WDR17: variants seen among roughly 807,000 people sequenced by gnomAD.
The protein encoded by WDR17 is WD repeat-containing protein 17.
In WDR17, 143 loss-of-function variants were observed where a neutral mutation model predicts 161.7. The ratio of observed to expected loss-of-function variants is 0.88; its 90% CI spans 0.77 to 1.02. The LOEUF (loss-of-function observed/expected upper bound fraction) is 1.02. WDR17 is among the 50% of genes least tolerant of loss of function. WDR17 has a pLI of 0.00. For missense variants in WDR17, 1,469 were observed against 1,520.9 expected (o/e 0.97, Z 0.57); for synonymous variants, 517 against 515.6 (o/e 1.00, Z -0.04).
Position 176,115,889 on chromosome 4 carries a change from G to T in WDR17, c.217G>T (p.Asp73Tyr), listed in dbSNP as rs1740540152. The change falls in exon 3 of 29, where the codon GAT becomes TAT. Residue 73 changes from aspartate (D) to tyrosine (Y), a missense_variant. Coordinates refer to ENST00000508596, the MANE Select transcript of WDR17 (RefSeq NM_181265.4). ...TAISWCPHNP[D>Y]LFASGSTDNL... ...AATTTCTTGGTGTCCACATAATCCT[G>T]ATCTGTTTGCAAGTGGCAGTACTGA... is the stretch of plus-strand genomic sequence containing the variant. 1 of 1,611,458 alleles carries T rather than the reference G, an allele frequency of 6.2e-7. No individual in the cohort carries two copies. The highest frequency in any genetic ancestry group is 8.5e-7 in the Non-Finnish European group (1 of 1,178,480).
chr4:176,165,780 C>G (rs558533555), intron 22 of WDR17, among the ~76,000 whole-genome samples: 2 of 152,232 alleles, frequency 1.3e-5, no homozygotes. Flanking sequence ...AAACATTTTT[C>G]AGTTAACTAT....
At position 176,182,659 on chromosome 4, in the gene WDR17, A is replaced by G. The variant is rs1752274976; in HGVS notation, c.*3080A>G. The G allele has an allele frequency of 6.6e-6, 1 of 152,118 alleles. No homozygotes were observed. Among genetic ancestry groups the G allele is most frequent in the Non-Finnish European group, 1.5e-5 (1 of 68,014 alleles). 9.4% of individuals were successfully genotyped at this position (152,118 alleles called of 1,614,324 possible). A position where few individuals can be genotyped will look rare whatever the true frequency, so the allele number is the denominator to read the frequency against. Reference sequence around the variant, plus strand: ...TCTTAATTAATGCTTATTGTACCAAATCTTTGAGATATTTGTACATAAATG... The same window carrying G: ...TCTTAATTAATGCTTATTGTACCAAGTCTTTGAGATATTTGTACATAAATG... On this transcript the variant is annotated 3_prime_UTR_variant, in exon 29 of 29. Coordinates refer to ENST00000508596, the MANE Select transcript of WDR17 (RefSeq NM_181265.4). This position sits in a 1 kb window ranked among gnomAD's most constrained non-coding sequence, Gnocchi z 4.2.
At chr4:176,148,892 C>T (rs1377294972) in intron 13 of WDR17, among the ~76,000 whole-genome samples, 1 of 152,108 alleles carries the variant, frequency 6.6e-6, no homozygotes, top group Non-Finnish European at 1.5e-5. Flanking sequence ...TATTTATTCT[C>T]ATCCTTAAAC....
In WDR17 at chr4:176,128,783, C is replaced by T. The variant is rs768157369; in HGVS notation, c.836C>T (p.Thr279Ile). ...CGCATTTGGAATGTTTCAAGAACAA[C>T]ACCTATTGATAATCTTAAATTAAAG... ...VLRIWNVSRT[T>I]PIDNLKLKKT... The change falls in exon 6 of 29, where the codon ACA becomes ATA. Residue 279 changes from threonine (T) to isoleucine (I), a missense_variant. Coordinates refer to ENST00000508596, the MANE Select transcript of WDR17 (RefSeq NM_181265.4). 1.1e-5 allele frequency: 17 copies of T among 1,605,332 alleles called. No individual in the cohort carries two copies. The highest frequency in any genetic ancestry group is 9.3e-6 in the Non-Finnish European group (11 of 1,176,700).
At chr4:176,169,268 T>C (rs1164487070) in intron 23 of WDR17, among the ~76,000 whole-genome samples, 1 of 152,190 alleles carries the variant, frequency 6.6e-6, no homozygotes, top group Non-Finnish European at 1.5e-5. Context: ...TTAAAAATAC[T>C]CATCTGCAGA....
chr4:176,152,307 A>AAAAAAAAAAAAAAAAAAAAAAAAAAAAAC (rs1747285710), intron 17 of WDR17, among the ~76,000 whole-genome samples: 1 of 149,142 alleles, frequency 6.7e-6, no homozygotes, highest in Admixed American at 6.7e-5. Flanking sequence ...AAAAAAAAAA[A>AAAAAAAAAAAAAAAAAAAAAAAAAAAAAC]AAAAAAAGCC....
chr4:176,134,985 A>G (rs1232151253), intron 7 of WDR17, 123 bp from the exon 8 acceptor site: 2 of 904,352 alleles, frequency 2.2e-6, no homozygotes, highest in Non-Finnish European at 3.4e-6. Flanking sequence ...TCTTGCCTAT[A>G]TATTTTTGCA....
intron 13 of WDR17, among the ~76,000 whole-genome samples, chr4:176,149,183 C>T (rs1240462621): frequency 6.6e-6 from 1 of 152,138 alleles, no homozygotes; most frequent in Non-Finnish European, 1.5e-5. Context: ...CTTAACCACA[C>T]GAAATATACT....
At chr4:176,158,143 AGTGAT>A (rs1400853365) in intron 18 of WDR17, among the ~76,000 whole-genome samples, 5 of 152,332 alleles carry the variant, frequency 3.3e-5, no homozygotes, top group Admixed American at 6.5e-5. Flanking sequence ...TAGGGTAGAA[AGTGAT>A]GTGATCAATT....
rs1561153213 is a variant in WDR17 at position 176,133,187 on chromosome 4, T to TA, written c.1098+1449_1098+1450insA. Among the ~76,000 whole-genome samples the TA allele has an allele frequency of 3.9e-3, 564 of 146,256 alleles. 6 individuals carry two copies. The highest frequency in any genetic ancestry group is 0.013 in the African/African-American group (519 of 40,230). On this transcript the variant is annotated intron_variant, in intron 7 of 28. Coordinates refer to ENST00000508596, the MANE Select transcript of WDR17 (RefSeq NM_181265.4). ...AAAAAAACAATTTTTTATTTTTATT[T>TA]TTTTTTTTTTACCACTTCACTATTT...
intron 22 of WDR17, among the ~76,000 whole-genome samples, chr4:176,167,046 C>T (rs1749879225): frequency 6.6e-6 from 1 of 152,084 alleles, no homozygotes; most frequent in African/African-American, 2.4e-5. Context: ...ATGTTACTGT[C>T]CTGATAGTTT....
At position 176,148,194 on chromosome 4, in the gene WDR17, G is replaced by A; in HGVS notation, c.1756G>A (p.Ala586Thr). 1 of 1,613,962 alleles carries A rather than the reference G, an allele frequency of 6.2e-7. No homozygotes were observed. The highest frequency in any genetic ancestry group is 8.5e-7 in the Non-Finnish European group (1 of 1,179,954). Residue 586 changes from alanine to threonine, a missense_variant, in exon 13 of 29, where the codon GCA (alanine) becomes ACA (threonine). Transcript: ENST00000508596. The part of the protein sequence containing the change: ...ACINILNGHT[A>T]PVRGLMWNTE... ...CATCAATATTCTTAATGGACACACT[G>A]CACCTGTGAGAGGATTAATGTGGAA...
chr4:176,115,744 T>G lies in WDR17; in HGVS notation c.124-52T>G, dbSNP rs184747005. ...TTGTGTAATGTGAATATTAACAGTG[T>G]ATTATCTTAAAAAGGAGCACTAAAA... On this transcript the variant is annotated intron_variant, in intron 2 of 28. Coordinates refer to ENST00000508596, the MANE Select transcript of WDR17 (RefSeq NM_181265.4). 7.6e-4 allele frequency: 1,044 copies of G among 1,376,726 alleles called. 1 individual carries two copies. Among genetic ancestry groups the G allele is most frequent in the Non-Finnish European group, 7.1e-4 (729 of 1,020,860 alleles). The allele number at this position is 1,376,726 out of a possible 1,614,324, so 85.3% of individuals were successfully genotyped here.
chr4:176,066,919 C>G (rs1206002527), intron 1 of WDR17, among the ~76,000 whole-genome samples: 3 of 152,080 alleles, frequency 2.0e-5, no homozygotes, highest in African/African-American at 7.2e-5. Context: ...ATTATAGTTG[C>G]CGTTCTTAGC....
intron 1 of WDR17, chr4:176,096,436 G>T: frequency 1.8e-6 from 2 of 1,116,212 alleles, no homozygotes; most frequent in African/African-American, 1.6e-5. Context: ...AATCTTGTTT[G>T]GTTGAAACAC....
chr4:176,096,781 AAG>A (rs1736944670), intron 1 of WDR17, among the ~76,000 whole-genome samples: 1 of 151,920 alleles, frequency 6.6e-6, no homozygotes, highest in African/African-American at 2.4e-5. Flanking sequence ...GTGAAGAAGA[AAG>A]GGCATTTTTT....
At chr4:176,135,929 A>C (rs1744323103) in intron 8 of WDR17, among the ~76,000 whole-genome samples, 1 of 151,668 alleles carries the variant, frequency 6.6e-6, no homozygotes, top group Admixed American at 6.6e-5. Flanking sequence ...CAATAACTAC[A>C]TGTAATGTGG....
intron 1 of WDR17, chr4:176,098,086 A>G (rs889695107): frequency 1.3e-5 from 2 of 151,378 alleles, no homozygotes; most frequent in Non-Finnish European, 3.0e-5. Flanking sequence ...GTAGATGAAA[A>G]TGAAAGATCC....
At chr4:176,153,362 A>C (rs1747547198) in intron 17 of WDR17, among the ~76,000 whole-genome samples, 1 of 152,194 alleles carries the variant, frequency 6.6e-6, no homozygotes, top group African/African-American at 2.4e-5. Context: ...TGGAGGGCTA[A>C]ATCAACAAAA....
Sources: allele counts gnomAD v4.1 joint callset (sites outside exome capture counted in the v4.1 genomes callset), GRCh38; gene constraint gnomAD v4.1.1; non-coding constraint Gnocchi (gnomAD v3.1); transcripts MANE v1.5; gene names NCBI Gene and HGNC (gene_info 2026-07-23, HGNC 2026-07-21).